Variants in SERTM1 observed in about 807,000 individuals in gnomAD.
SERTM1 encodes the protein serine-rich and transmembrane domain-containing protein 1.
A neutral mutation model predicts 5.5 loss-of-function variants in SERTM1; 1 was observed. The ratio of observed to expected loss-of-function variants is 0.18; its 90% CI spans 0.06 to 0.86. The LOEUF (loss-of-function observed/expected upper bound fraction) is 0.86, where lower values mean the gene tolerates loss of function less well. SERTM1 is among the 40% of genes least tolerant of loss of function. The pLI is 0.69. For missense variants in SERTM1, 91 were observed against 122.4 expected, an observed-to-expected ratio of 0.74 and a Z score of 1.21; for synonymous variants, 52 against 55.1, an observed-to-expected ratio of 0.94 and a Z score of 0.25.
rs1447815535 is a variant in SERTM1, at chr13:36,695,047, T to A, written c.-32T>A. On this transcript the variant is annotated 5_prime_UTR_variant, in exon 2 of 2. Coordinates refer to ENST00000315190, the MANE Select transcript of SERTM1 (RefSeq NM_203451.3). ...GCCCTGTGTGAAGTTTTGACTTTAA[T>A]CTACCAGATCACTCCTTCACCCTCC... 1 of 1,523,910 alleles carries A rather than the reference T, an allele frequency of 6.6e-7. No homozygotes were observed. The highest frequency in any genetic ancestry group is 1.4e-5 in the African/African-American group (1 of 72,482). The allele number at this position is 1,523,910 out of a possible 1,614,324, so 94.4% of individuals were successfully genotyped here.
At chr13:36,692,824 G>A (rs1009529628) in intron 1 of SERTM1, among the ~76,000 whole-genome samples, 1 of 152,188 alleles carries the variant, frequency 6.6e-6, no homozygotes, top group Non-Finnish European at 1.5e-5. Flanking sequence ...CAAGAACACA[G>A]TTCAGGCATG....
intron 1 of SERTM1, among the ~76,000 whole-genome samples, chr13:36,692,986 CTT>C (rs894761697): frequency 5.3e-5 from 8 of 152,198 alleles, no homozygotes; most frequent in African/African-American, 1.4e-4. Context: ...GATGCATAGT[CTT>C]TGCCTTATCT....
chr13:36,685,213 T>C (rs966146319), intron 1 of SERTM1, among the ~76,000 whole-genome samples: 3 of 152,254 alleles, frequency 2.0e-5, no homozygotes, highest in Non-Finnish European at 4.4e-5. Context: ...GAGTTCGCTG[T>C]GCCGCCTGTG....
At chr13:36,682,899 C>A (rs957445250) in intron 1 of SERTM1, among the ~76,000 whole-genome samples, 6 of 151,938 alleles carry the variant, frequency 3.9e-5, no homozygotes, top group South Asian at 2.1e-4. Flanking sequence ...TTCTTTCTTT[C>A]TTTATTTATT....
At chr13:36,679,852 T>G (rs73173336) in intron 1 of SERTM1, among the ~76,000 whole-genome samples, 19,648 of 152,214 alleles carry the variant, frequency 0.13, 1,401 homozygotes, top group Non-Finnish European at 0.15. Context: ...TGATACCAAA[T>G]AACCACAAAT....
intron 1 of SERTM1, among the ~76,000 whole-genome samples, chr13:36,684,233 G>A (rs1028935498): frequency 3.3e-5 from 5 of 152,080 alleles, no homozygotes; most frequent in Admixed American, 6.5e-5. Flanking sequence ...GGAGGCAGAT[G>A]TTGCGGTGAG....
chr13:36,685,679 C>T (rs2056736020), intron 1 of SERTM1, among the ~76,000 whole-genome samples: 8 of 152,306 alleles, frequency 5.3e-5, no homozygotes, highest in Admixed American at 5.2e-4. Context: ...CAAGTTTAGA[C>T]TCTTGCTACA....
intron 1 of SERTM1, among the ~76,000 whole-genome samples, chr13:36,675,235 TAAATGATGGG>T (rs750383757): frequency 1.5e-4 from 23 of 152,338 alleles, no homozygotes; most frequent in Admixed American, 2.6e-4. Context: ...TTCTTTGTGG[TAAATGATGGG>T]CTCCGATGTC....
At chr13:36,680,516 TCAA>T (rs2138085616) in intron 1 of SERTM1, among the ~76,000 whole-genome samples, 1 of 152,354 alleles carries the variant, frequency 6.6e-6, no homozygotes, top group African/African-American at 2.4e-5. Flanking sequence ...TGCTAGGCCC[TCAA>T]TTTGTGGTCT....
intron 1 of SERTM1, among the ~76,000 whole-genome samples, chr13:36,676,126 C>T (rs928619477): frequency 3.3e-5 from 5 of 152,064 alleles, no homozygotes; most frequent in Non-Finnish European, 7.4e-5. Context: ...ATCAAATCCA[C>T]GAGAGAGTTT....
intron 1 of SERTM1, among the ~76,000 whole-genome samples, chr13:36,685,536 A>G (rs990482251): frequency 3.9e-5 from 6 of 152,196 alleles, no homozygotes; most frequent in African/African-American, 1.4e-4. Flanking sequence ...GGGGAAAAGC[A>G]CTATTCATAT....
At chr13:36,685,205 G>C (rs546631388) in intron 1 of SERTM1, among the ~76,000 whole-genome samples, 1 of 152,314 alleles carries the variant, frequency 6.6e-6, no homozygotes, top group African/African-American at 2.4e-5. Context: ...AGACTTTTGA[G>C]TTCGCTGTGC....
intron 1 of SERTM1, among the ~76,000 whole-genome samples, chr13:36,677,861 T>A (rs2056679742): frequency 6.6e-6 from 1 of 152,228 alleles, no homozygotes. Context: ...AGGGATATAC[T>A]ATTCTCATTT....
In SERTM1 at chr13:36,694,917, A is replaced by G. The variant is rs1235560951; in HGVS notation, c.-162A>G. On this transcript the variant is annotated 5_prime_UTR_variant, in exon 2 of 2. Transcript: ENST00000315190. ...CTTTTTTTTTTCAGTCTCAATGCAC[A>G]TCTGATACCTGCTGCCTTTGAGAAA... is the stretch of plus-strand genomic sequence containing the variant. The G allele has an allele frequency of 1.7e-6, 1 of 592,096 alleles. No individual in the cohort carries two copies. Among genetic ancestry groups the G allele is most frequent in the South Asian group, 2.2e-5 (1 of 45,280 alleles). 36.7% of individuals were successfully genotyped at this position (592,096 alleles called of 1,614,324 possible).
intron 1 of SERTM1, among the ~76,000 whole-genome samples, chr13:36,679,152 A>C (rs1375636403): frequency 6.6e-6 from 1 of 152,238 alleles, no homozygotes; most frequent in Non-Finnish European, 1.5e-5. Context: ...GGCTCAAAAA[A>C]AAAATTTACT....
chr13:36,693,396 T>TC (rs957828891), intron 1 of SERTM1, among the ~76,000 whole-genome samples: 12 of 146,692 alleles, frequency 8.2e-5, no homozygotes, highest in African/African-American at 2.7e-4. Context: ...TTCTTCTTCT[T>TC]TTTTTTTTTT....
Position 36,696,476 on chromosome 13 carries a change from A to G in SERTM1, c.*1074A>G, listed in dbSNP as rs2138103748. The stretch of plus-strand genomic sequence containing the variant: ...TAATTAGTTGTTGTATGTTAACATA[A>G]TACTCTACATTAGGATTTCAGGATG... On this transcript the variant is annotated 3_prime_UTR_variant, in exon 2 of 2. Transcript: ENST00000315190. 6.0e-6 allele frequency: 1 copy of G among 167,140 alleles called. No individual in the cohort carries two copies. Among genetic ancestry groups the G allele is most frequent in the East Asian group, 1.9e-4 (1 of 5,190 alleles). The allele number at this position is 167,140 out of a possible 1,614,324, so 10.4% of individuals were successfully genotyped here.
At chr13:36,691,136 T>C (rs1255553670) in intron 1 of SERTM1, among the ~76,000 whole-genome samples, 1 of 152,238 alleles carries the variant, frequency 6.6e-6, no homozygotes, top group East Asian at 1.9e-4. Context: ...TGGCGCAGGC[T>C]GGGCCCATGC....
chr13:36,695,520 C>T lies in SERTM1; in HGVS notation c.*118C>T. The stretch of plus-strand genomic sequence containing the variant: ...TTTTGGTGTAGACCTGCTTCTCCTT[C>T]TCCTTTTTCTCTGATTTCTTTTCTG... On this transcript the variant is annotated 3_prime_UTR_variant, in exon 2 of 2. Coordinates refer to ENST00000315190, the MANE Select transcript of SERTM1 (RefSeq NM_203451.3). 1 of 710,216 alleles carries T rather than the reference C, an allele frequency of 1.4e-6. No individual in the cohort carries two copies. The highest frequency in any genetic ancestry group is 2.6e-5 in the East Asian group (1 of 37,840). The allele number at this position is 710,216 out of a possible 1,614,324, so 44.0% of individuals were successfully genotyped here.
Sources: gnomAD v4.1 joint callset for allele counts (sites outside exome capture counted in the v4.1 genomes callset) on GRCh38, gnomAD v4.1.1 for gene constraint, MANE v1.5 for transcripts, NCBI Gene and HGNC (gene_info 2026-07-23, HGNC 2026-07-21) for gene names.